PLCL1: variants seen among roughly 807,000 people sequenced by gnomAD.
The protein encoded by PLCL1 is inactive phospholipase C-like protein 1.
A neutral mutation model predicts 84.4 loss-of-function variants in PLCL1; 41 were observed. The observed-to-expected ratio is 0.49, with a 90% CI of 0.38 to 0.63. PLCL1 has a LOEUF of 0.63. Among genes scored for constraint, PLCL1 ranks in the 30% least tolerant of loss-of-function variants. The pLI, the probability that PLCL1 is intolerant of heterozygous loss-of-function variation, is 0.00. For synonymous variants in PLCL1, 490 were observed against 488.3 expected (o/e 1.00, Z -0.05); for missense variants, 1,206 against 1,367.8 (o/e 0.88, Z 1.87).
At chr2:197,892,981 C>T (rs1350352933) in intron 1 of PLCL1, among the ~76,000 whole-genome samples, 1 of 152,016 alleles carries the variant, frequency 6.6e-6, no homozygotes, top group Non-Finnish European at 1.5e-5. Flanking sequence ...GGCAAGAGAC[C>T]ATCTCAAAAC....
At chr2:198,139,946 T>C (rs1694344681) in intron 5 of PLCL1, among the ~76,000 whole-genome samples, 1 of 152,090 alleles carries the variant, frequency 6.6e-6, no homozygotes, top group Admixed American at 6.6e-5. Flanking sequence ...TTTTTTTTTT[T>C]TCCCCGAGAT....
In PLCL1 at chr2:198,132,456, T is replaced by TG. The variant is rs1553519971; in HGVS notation, c.3106-14315dup. 1.6e-3 allele frequency among the ~76,000 whole-genome samples: 239 copies of TG among 151,104 alleles called. 3 individuals carry two copies. Among genetic ancestry groups the TG allele is most frequent in the Admixed American group, 7.9e-3 (120 of 15,116 alleles). On this transcript the variant is annotated intron_variant, in intron 5 of 5. Coordinates refer to ENST00000428675, the MANE Select transcript of PLCL1 (RefSeq NM_006226.4). ...AAGTTTCTTTAAAAATGTGTTTTTT[T>TG]GGGGGGGGGAGTCCACATATTCAAA...
chr2:198,103,419 C>A lies in PLCL1; in HGVS notation c.2996-408C>A, dbSNP rs969299268. On this transcript the variant is annotated intron_variant, in intron 4 of 5. Coordinates refer to ENST00000428675, the MANE Select transcript of PLCL1 (RefSeq NM_006226.4). The stretch of plus-strand genomic sequence containing the variant: ...GGTATCCATCCCCTCAAGCATTTCT[C>A]TTTTGTGTTACAAACAATCCAATTA... Among the ~76,000 whole-genome samples, 8 of 152,066 alleles carry A rather than the reference C, an allele frequency of 5.3e-5. No individual in the cohort carries two copies. In the East Asian group the frequency reaches 1.6e-3, roughly 30 times the overall value.
At chr2:198,014,625 A>C (rs1690948618) in intron 1 of PLCL1, among the ~76,000 whole-genome samples, 1 of 152,030 alleles carries the variant, frequency 6.6e-6, no homozygotes, top group Non-Finnish European at 1.5e-5. Context: ...AAAATATATA[A>C]TACTGAATTT....
intron 1 of PLCL1, among the ~76,000 whole-genome samples, chr2:198,078,586 G>A (rs561637054): frequency 6.6e-6 from 1 of 152,028 alleles, no homozygotes; most frequent in East Asian, 1.9e-4. Flanking sequence ...CTTACACTAT[G>A]TAGCTGGAGT....
At chr2:197,924,706 A>G (rs977797241) in intron 1 of PLCL1, among the ~76,000 whole-genome samples, 1 of 151,884 alleles carries the variant, frequency 6.6e-6, no homozygotes, top group Admixed American at 6.6e-5. Context: ...GCACAGGGAG[A>G]GCAACAGTTG....
intron 3 of PLCL1, among the ~76,000 whole-genome samples, chr2:198,097,278 A>T (rs1191231695): frequency 1.3e-5 from 2 of 152,178 alleles, no homozygotes; most frequent in African/African-American, 4.8e-5. Context: ...GAAAATTATC[A>T]GCATCTTGAG....
chr2:198,053,783 G>A (rs986326292), intron 1 of PLCL1, among the ~76,000 whole-genome samples: 1 of 152,188 alleles, frequency 6.6e-6, no homozygotes, highest in Non-Finnish European at 1.5e-5. Context: ...GAAAAGATCA[G>A]GAGAAATAAA....
At chr2:198,134,872 C>A (rs146109786) in intron 5 of PLCL1, among the ~76,000 whole-genome samples, 129 of 152,226 alleles carry the variant, frequency 8.5e-4, no homozygotes, top group African/African-American at 3.0e-3. Flanking sequence ...TCAGTTCACT[C>A]TATGGTATAC....
chr2:197,880,738 C>A (rs1680657336), intron 1 of PLCL1, among the ~76,000 whole-genome samples: 1 of 152,098 alleles, frequency 6.6e-6, no homozygotes, highest in Non-Finnish European at 1.5e-5. Context: ...ACTGAAGGTT[C>A]TTTATAAAGC....
At chr2:197,884,960 T>C (rs749555782) in intron 1 of PLCL1, among the ~76,000 whole-genome samples, 10 of 152,304 alleles carry the variant, frequency 6.6e-5, no homozygotes, top group Admixed American at 2.6e-4. Context: ...AAAATAAATG[T>C]CACCTTCTTA....
chr2:197,863,648 A>G (rs1181047652), intron 1 of PLCL1, among the ~76,000 whole-genome samples: 5 of 152,192 alleles, frequency 3.3e-5, no homozygotes, highest in Non-Finnish European at 7.4e-5. Flanking sequence ...TCCTTTTATT[A>G]TCATAGATTA....
chr2:198,008,450 A>C (rs150281942), intron 1 of PLCL1, among the ~76,000 whole-genome samples: 1 of 152,068 alleles, frequency 6.6e-6, no homozygotes, highest in Non-Finnish European at 1.5e-5. Flanking sequence ...TATGAATGGA[A>C]TCATACAGTG....
At chr2:198,003,301 T>C (rs1559070715) in intron 1 of PLCL1, among the ~76,000 whole-genome samples, 12 of 152,186 alleles carry the variant, frequency 7.9e-5, no homozygotes. Context: ...TTAGTCTTTA[T>C]TGGTTGAACT....
chr2:197,869,365 G>A (rs981249268), intron 1 of PLCL1, among the ~76,000 whole-genome samples: 15 of 151,490 alleles, frequency 9.9e-5, no homozygotes, highest in African/African-American at 2.7e-4. Context: ...CTGAATTTAC[G>A]TATCTTTTTC....
chr2:197,872,845 A>C (rs912465367), intron 1 of PLCL1, among the ~76,000 whole-genome samples: 1 of 152,202 alleles, frequency 6.6e-6, no homozygotes, highest in Admixed American at 6.5e-5. Context: ...TGACAGGCTG[A>C]GTAAAATTAT....
At chr2:198,105,601 G>GGTGTGTGT (rs72103336) in intron 5 of PLCL1, among the ~76,000 whole-genome samples, 14,027 of 143,718 alleles carry the variant, frequency 0.098, 817 homozygotes, top group East Asian at 0.27. Context: ...TAATTTGCCT[G>GGTGTGTGT]GTGTGTGTGT....
At chr2:197,873,110 G>A (rs573186406) in intron 1 of PLCL1, among the ~76,000 whole-genome samples, 5 of 152,070 alleles carry the variant, frequency 3.3e-5, no homozygotes, top group Non-Finnish European at 5.9e-5. Flanking sequence ...TATAGGGAAG[G>A]TTTCTAAATT....
intron 1 of PLCL1, among the ~76,000 whole-genome samples, chr2:197,837,612 G>A (rs991095450): frequency 1.3e-5 from 2 of 152,168 alleles, no homozygotes; most frequent in African/African-American, 2.4e-5. Flanking sequence ...GGAGAGCCGG[G>A]ATTGGGCCAG....
Sources: gnomAD v4.1 joint callset for allele counts (sites outside exome capture counted in the v4.1 genomes callset) on GRCh38, gnomAD v4.1.1 for gene constraint, MANE v1.5 for transcripts, NCBI Gene and HGNC (gene_info 2026-07-23, HGNC 2026-07-21) for gene names.